SPHKAP: variants seen among roughly 807,000 people sequenced by gnomAD.
SPHKAP encodes A-kinase anchor protein SPHKAP.
SPHKAP carries 67 observed loss-of-function variants against 137.5 expected under a neutral mutation model. The ratio of observed to expected loss-of-function variants is 0.49; its 90% CI spans 0.40 to 0.60. The LOEUF (loss-of-function observed/expected upper bound fraction) is 0.60, where lower values mean the gene tolerates loss of function less well. Ranked by LOEUF, SPHKAP falls within the 20% of genes least tolerant of loss-of-function variation. The pLI is 0.00. For synonymous variants in SPHKAP, 813 were observed against 785.3 expected (o/e 1.04, Z -0.59); for missense variants, 2,097 against 2,069.3 (o/e 1.01, Z -0.26).
intron 2 of SPHKAP, among the ~76,000 whole-genome samples, chr2:228,121,492 G>T (rs1050325778): frequency 2.6e-5 from 4 of 152,074 alleles, no homozygotes; most frequent in Non-Finnish European, 5.9e-5. Context: ...TTCCAGGCTG[G>T]GTGACAGAGC....
chr2:228,160,285 T>G (rs774552890), intron 1 of SPHKAP, among the ~76,000 whole-genome samples: 20 of 152,176 alleles, frequency 1.3e-4, no homozygotes, highest in Admixed American at 5.2e-4. Flanking sequence ...ATATTTACTT[T>G]GTTACCGGTA....
chr2:228,122,377 G>A (rs1290114857), intron 2 of SPHKAP, among the ~76,000 whole-genome samples: 1 of 152,144 alleles, frequency 6.6e-6, no homozygotes, highest in African/African-American at 2.4e-5. Context: ...AAGGAACTGA[G>A]CTATAGAGAA....
chr2:228,166,496 A>C (rs1423718472), intron 1 of SPHKAP, among the ~76,000 whole-genome samples: 1 of 152,172 alleles, frequency 6.6e-6, no homozygotes, highest in African/African-American at 2.4e-5. Context: ...AAATAAGTTA[A>C]GTAAGCTGTT....
At chr2:228,149,653 C>CT (rs1190173235) in intron 1 of SPHKAP, among the ~76,000 whole-genome samples, 1 of 152,026 alleles carries the variant, frequency 6.6e-6, no homozygotes, top group Non-Finnish European at 1.5e-5. Flanking sequence ...GTCTTGCATG[C>CT]TTTTTTTAGA....
intron 7 of SPHKAP, among the ~76,000 whole-genome samples, chr2:228,009,659 GTCTTT>G (rs1375822697): frequency 2.0e-5 from 3 of 152,004 alleles, no homozygotes; most frequent in Admixed American, 2.0e-4. Context: ...AGATTTTGTT[GTCTTT>G]TCTTTAAACA....
intron 3 of SPHKAP, among the ~76,000 whole-genome samples, chr2:228,099,353 C>A (rs1355072441): frequency 6.6e-6 from 1 of 152,050 alleles, no homozygotes; most frequent in Non-Finnish European, 1.5e-5. Context: ...AGCTTTATTT[C>A]TGGGTTCTCT....
At chr2:227,985,316 T>A (rs895969265) in intron 11 of SPHKAP, among the ~76,000 whole-genome samples, 3 of 152,116 alleles carry the variant, frequency 2.0e-5, no homozygotes, top group Non-Finnish European at 4.4e-5. Flanking sequence ...CCTGGAAACA[T>A]CTTTGGGGCT....
intron 3 of SPHKAP, among the ~76,000 whole-genome samples, chr2:228,043,488 G>C (rs1009845158): frequency 6.6e-6 from 1 of 152,062 alleles, no homozygotes; most frequent in African/African-American, 2.4e-5. Flanking sequence ...CACCATGCCT[G>C]GCTAATTTTT....
chr2:228,116,685 A>T (rs1698719774), intron 2 of SPHKAP, among the ~76,000 whole-genome samples: 1 of 152,178 alleles, frequency 6.6e-6, no homozygotes, highest in Admixed American at 6.6e-5. Flanking sequence ...GGGTGAGCCC[A>T]AAGTTTTATG....
At chr2:228,030,384 C>T (rs1228178896) in intron 3 of SPHKAP, among the ~76,000 whole-genome samples, 1 of 151,528 alleles carries the variant, frequency 6.6e-6, no homozygotes, top group Non-Finnish European at 1.5e-5. Context: ...TGTGGTGGCG[C>T]ACACCTGTAT....
At chr2:228,058,297 C>T (rs1398274574) in intron 3 of SPHKAP, among the ~76,000 whole-genome samples, 1 of 152,194 alleles carries the variant, frequency 6.6e-6, no homozygotes, top group Non-Finnish European at 1.5e-5. Flanking sequence ...CTCATATGTA[C>T]AATGTCTCAT....
At chr2:228,096,630 CTGTGTGTGTGTGTGTG>C (rs59745287) in intron 3 of SPHKAP, among the ~76,000 whole-genome samples, 2 of 148,888 alleles carry the variant, frequency 1.3e-5, no homozygotes, top group East Asian at 2.0e-4. Flanking sequence ...CAGGGGTCAA[CTGTGTGTGTGTGTGTG>C]TGTGTGTGTG....
At chr2:228,085,528 A>G (rs144253004) in intron 3 of SPHKAP, among the ~76,000 whole-genome samples, 230 of 152,312 alleles carry the variant, frequency 1.5e-3, no homozygotes, top group African/African-American at 5.2e-3. Context: ...TTCAACATTT[A>G]ACACCCTTTG....
intron 3 of SPHKAP, among the ~76,000 whole-genome samples, chr2:228,092,200 CATACACACATAT>C (rs575840881): frequency 3.5e-4 from 45 of 128,406 alleles, no homozygotes; most frequent in African/African-American, 7.7e-4. Context: ...CATACACATG[CATACACACATAT>C]ATACACACAT....
chr2:228,119,724 G>T (rs938560579), intron 2 of SPHKAP, among the ~76,000 whole-genome samples: 6 of 152,010 alleles, frequency 3.9e-5, no homozygotes, highest in Non-Finnish European at 7.4e-5. Flanking sequence ...AAATTATTGT[G>T]TGAAAGAAAA....
rs971173927 is a variant in SPHKAP, at chr2:227,980,779, C to T, written c.*938G>A. 1 of 152,168 alleles carries T rather than the reference C, an allele frequency of 6.6e-6. No homozygotes were observed. Among genetic ancestry groups the T allele is most frequent in the Non-Finnish European group, 1.5e-5 (1 of 68,030 alleles). 9.4% of individuals were successfully genotyped at this position (152,168 alleles called of 1,614,324 possible). On this transcript the variant is annotated 3_prime_UTR_variant, in exon 12 of 12. Transcript: ENST00000392056. Reference sequence around the variant, plus strand: ...TGAAACAGGCCACTGAGCTCAATGTCAATATGTGACTTTAGACAACAATCT... The same window carrying T: ...TGAAACAGGCCACTGAGCTCAATGTTAATATGTGACTTTAGACAACAATCT...
intron 3 of SPHKAP, among the ~76,000 whole-genome samples, chr2:228,077,701 T>A (rs886644454): frequency 6.6e-5 from 10 of 152,206 alleles, no homozygotes; most frequent in African/African-American, 2.4e-4. Context: ...CAGATGAGAC[T>A]TTGGACTGTG....
chr2:228,161,821 TG>T (rs1700285078), intron 1 of SPHKAP, among the ~76,000 whole-genome samples: 1 of 152,242 alleles, frequency 6.6e-6, no homozygotes, highest in South Asian at 2.1e-4. Context: ...TGTTTGTTTT[TG>T]CCACCTCGGA....
intron 2 of SPHKAP, among the ~76,000 whole-genome samples, chr2:228,128,285 C>T (rs773650759): frequency 3.3e-5 from 5 of 152,178 alleles, no homozygotes; most frequent in Admixed American, 6.5e-5. Flanking sequence ...ATTTCACAAA[C>T]GTTCACAGCA....
Sources: gnomAD v4.1 joint callset for allele counts (sites outside exome capture counted in the v4.1 genomes callset) on GRCh38, gnomAD v4.1.1 for gene constraint, MANE v1.5 for transcripts, NCBI Gene and HGNC (gene_info 2026-07-23, HGNC 2026-07-21) for gene names.